Variants in SAMD5 observed in about 807,000 individuals in gnomAD.
SAMD5 encodes the protein sterile alpha motif domain containing 5, also known as sterile alpha motif domain-containing protein 5.
A neutral mutation model predicts 11.3 loss-of-function variants in SAMD5; 13 were observed. The ratio of observed to expected loss-of-function variants is 1.15; its 90% CI spans 0.75 to 1.83. The LOEUF (loss-of-function observed/expected upper bound fraction) is 1.83. Ranked by LOEUF, SAMD5 falls within the 40% of genes most tolerant of loss-of-function variation. The probability of loss-of-function intolerance (pLI) is 0.00; values close to 1 mark genes in which losing one functional copy is unlikely to be tolerated. For missense variants in SAMD5, 255 were observed against 239.1 expected, an observed-to-expected ratio of 1.07 and a Z score of -0.44; for synonymous variants, 129 against 111.3, an observed-to-expected ratio of 1.16 and a Z score of -1.00.
At chr6:147,651,478 C>T (rs1282696586) in intron 1 of SAMD5, among the ~76,000 whole-genome samples, 1 of 152,032 alleles carries the variant, frequency 6.6e-6, no homozygotes, top group African/African-American at 2.4e-5. Context: ...GAGGTGGGGC[C>T]TTTGGGGAGG....
At chr6:147,533,695 A>G (rs1285892937) in intron 1 of SAMD5, among the ~76,000 whole-genome samples, 2 of 151,984 alleles carry the variant, frequency 1.3e-5, no homozygotes, top group African/African-American at 4.8e-5. Flanking sequence ...TCTTATTTTA[A>G]CTGGTGACAC....
At chr6:147,742,820 A>C in the SAMD5 span, among the ~76,000 whole-genome samples, 2 of 152,250 alleles carry the variant, frequency 1.3e-5, no homozygotes, top group Non-Finnish European at 2.9e-5. Context: ...GGAAGGAATT[A>C]ACTTCTTATT....
the SAMD5 span, among the ~76,000 whole-genome samples, chr6:147,879,728 T>C: frequency 4.6e-5 from 7 of 152,224 alleles, no homozygotes; most frequent in Non-Finnish European, 7.3e-5. Context: ...ATTTATCAGC[T>C]AGTGCTCAGC....
the SAMD5 span, among the ~76,000 whole-genome samples, chr6:147,937,808 CT>C: frequency 1.3e-5 from 2 of 151,968 alleles, no homozygotes; most frequent in African/African-American, 4.8e-5. Flanking sequence ...TGTCATATAT[CT>C]TTTTTTTAAG....
chr6:147,898,712 C>T, the SAMD5 span, among the ~76,000 whole-genome samples: 1 of 152,106 alleles, frequency 6.6e-6, no homozygotes, highest in African/African-American at 2.4e-5. Context: ...TGCTGTATCA[C>T]ATTATAGCAT....
intron 1 of SAMD5, among the ~76,000 whole-genome samples, chr6:147,524,319 C>T (rs1253314041): frequency 6.6e-6 from 1 of 152,034 alleles, no homozygotes; most frequent in Non-Finnish European, 1.5e-5. Context: ...TGATCATCCC[C>T]AACATAGCTG....
At chr6:147,610,592 T>C (rs769481513) in intron 1 of SAMD5, among the ~76,000 whole-genome samples, 35 of 152,220 alleles carry the variant, frequency 2.3e-4, no homozygotes, top group Non-Finnish European at 4.4e-4. Context: ...CCAGAATGTC[T>C]CTGAAATTCA....
At chr6:147,619,659 AT>A (rs1380653179) in intron 1 of SAMD5, among the ~76,000 whole-genome samples, 1 of 152,200 alleles carries the variant, frequency 6.6e-6, no homozygotes, top group East Asian at 1.9e-4. Context: ...CCCTTCAGAA[AT>A]TCTTTGGAAA....
At chr6:147,541,959 C>T (rs1583074834) in intron 1 of SAMD5, among the ~76,000 whole-genome samples, 2 of 152,144 alleles carry the variant, frequency 1.3e-5, no homozygotes, top group Admixed American at 1.3e-4. Context: ...TGCAGTGAGG[C>T]TACAAACACC....
chr6:147,529,203 A>T (rs1446628642), intron 1 of SAMD5, among the ~76,000 whole-genome samples: 3 of 152,246 alleles, frequency 2.0e-5, no homozygotes, highest in Non-Finnish European at 2.9e-5. Flanking sequence ...GTTAGCAATA[A>T]AACTACTAGG....
intron 1 of SAMD5, among the ~76,000 whole-genome samples, chr6:147,618,426 T>C (rs559341239): frequency 1.4e-4 from 22 of 152,056 alleles, no homozygotes; most frequent in Non-Finnish European, 3.2e-4. Flanking sequence ...TCCCAGAGAT[T>C]GGGAGGAAGG....
chr6:147,640,601 G>A (rs1790298561), intron 1 of SAMD5, among the ~76,000 whole-genome samples: 1 of 151,242 alleles, frequency 6.6e-6, no homozygotes, highest in Admixed American at 6.6e-5. Context: ...CATGGTTAAT[G>A]CTAAAGTTTT....
chr6:147,854,962 C>T, the SAMD5 span, among the ~76,000 whole-genome samples: 1 of 152,086 alleles, frequency 6.6e-6, no homozygotes, highest in South Asian at 2.1e-4. Context: ...AATAACAGTG[C>T]ACAGTTTTGT....
chr6:147,617,237 G>T (rs767805302), intron 1 of SAMD5, among the ~76,000 whole-genome samples: 13 of 152,114 alleles, frequency 8.5e-5, no homozygotes, highest in African/African-American at 2.4e-5. Flanking sequence ...AGGTTTATAG[G>T]CAATATTATT....
intron 1 of SAMD5, among the ~76,000 whole-genome samples, chr6:147,704,721 G>A (rs982818527): frequency 1.3e-5 from 2 of 152,106 alleles, no homozygotes; most frequent in African/African-American, 4.8e-5. Flanking sequence ...TCTTTCAAAG[G>A]GTAGCTAACA....
intron 1 of SAMD5, among the ~76,000 whole-genome samples, chr6:147,509,611 C>T (rs1185335505): frequency 6.6e-6 from 1 of 152,178 alleles, no homozygotes; most frequent in African/African-American, 2.4e-5. Context: ...CAGATGTTAT[C>T]TCTAAACTAA....
the SAMD5 span, among the ~76,000 whole-genome samples, chr6:147,744,921 A>G: frequency 2.8e-5 from 4 of 142,528 alleles, no homozygotes; most frequent in African/African-American, 6.0e-5. Context: ...AAATAAATAA[A>G]TAAGTAAGTA....
the SAMD5 span, among the ~76,000 whole-genome samples, chr6:147,909,874 G>A: frequency 6.6e-6 from 1 of 151,936 alleles, no homozygotes; most frequent in East Asian, 1.9e-4. Flanking sequence ...TTCAGTCTAC[G>A]GTGACAAGGC....
chr6:147,825,325 A>C, the SAMD5 span, among the ~76,000 whole-genome samples: 1 of 151,876 alleles, frequency 6.6e-6, no homozygotes, highest in Non-Finnish European at 1.5e-5. Context: ...CAAACAAAAA[A>C]CTTAGCTCCA....
Sources: gnomAD v4.1 joint callset for allele counts (sites outside exome capture counted in the v4.1 genomes callset) on GRCh38, gnomAD v4.1.1 for gene constraint, MANE v1.5 for transcripts, NCBI Gene and HGNC (gene_info 2026-07-23, HGNC 2026-07-21) for gene names.